Variants in ROBO2 observed in about 807,000 individuals in gnomAD.
The protein encoded by ROBO2 is roundabout guidance receptor 2.
A neutral mutation model predicts 160.8 loss-of-function variants in ROBO2; 53 were observed. The ratio of observed to expected loss-of-function variants is 0.33; its 90% CI spans 0.26 to 0.41. ROBO2 has a LOEUF of 0.41. Ranked by LOEUF, ROBO2 falls within the 10% of genes least tolerant of loss-of-function variation. ROBO2 has a pLI of 1.00. For missense variants in ROBO2, 1,577 were observed against 1,722.4 expected (o/e 0.92, Z 1.49); for synonymous variants, 664 against 611.7 (o/e 1.09, Z -1.26).
chr3:76,580,343 T>A (rs9309744), intron 2 of ROBO2, among the ~76,000 whole-genome samples: 3 of 7,314 alleles, frequency 4.1e-4, no homozygotes, highest in Non-Finnish European at 6.1e-4. Context: ...TTTTTTTGTG[T>A]TTTTTTTTTT....
At chr3:76,723,838 A>G (rs1240724794) in intron 2 of ROBO2, among the ~76,000 whole-genome samples, 1 of 152,196 alleles carries the variant, frequency 6.6e-6, no homozygotes, top group Non-Finnish European at 1.5e-5. Flanking sequence ...CCTGTATCCA[A>G]ATCATCTGGG....
At chr3:76,448,844 GT>G (rs2109240503) in intron 2 of ROBO2, among the ~76,000 whole-genome samples, 1 of 152,198 alleles carries the variant, frequency 6.6e-6, no homozygotes, top group East Asian at 1.9e-4. Context: ...AGTACCCACG[GT>G]TGTGCTAGTA....
chr3:76,359,001 C>T (rs1251331699), intron 2 of ROBO2, among the ~76,000 whole-genome samples: 4 of 148,492 alleles, frequency 2.7e-5, no homozygotes, highest in African/African-American at 1.0e-4. Context: ...CAATTCCCGC[C>T]TATGAGTGAG....
At chr3:77,512,962 T>G (rs1458782491) in intron 5 of ROBO2, among the ~76,000 whole-genome samples, 1 of 151,898 alleles carries the variant, frequency 6.6e-6, no homozygotes, top group Non-Finnish European at 1.5e-5. Context: ...GTTCTAGAAT[T>G]GGAGCCAGAA....
At chr3:77,309,709 C>A (rs995550894) in intron 2 of ROBO2, among the ~76,000 whole-genome samples, 2 of 152,226 alleles carry the variant, frequency 1.3e-5, no homozygotes, top group Admixed American at 6.5e-5. Context: ...AAACATCATC[C>A]TTCTCTTCTT....
chr3:76,299,901 TAAAAG>T (rs1475387875), intron 2 of ROBO2, among the ~76,000 whole-genome samples: 1 of 152,062 alleles, frequency 6.6e-6, no homozygotes, highest in East Asian at 1.9e-4. Context: ...TGTTATGAAA[TAAAAG>T]GGAAAGGTTG....
Position 76,424,176 on chromosome 3 carries a change from A to C in ROBO2, c.109+486574A>C, listed in dbSNP as rs147763252. ...ACCAATAGAAGTCGTGAAAATTTTC[A>C]TATTACCTTAACAATATGTAAAAAT... On this transcript the variant is annotated intron_variant, in intron 2 of 26. Coordinates refer to the ROBO2 transcript ENST00000487694. Among the ~76,000 whole-genome samples, 549 of 152,342 alleles carry C rather than the reference A, an allele frequency of 3.6e-3. 5 individuals are homozygous for C. Among genetic ancestry groups the C allele is most frequent in the African/African-American group, 0.013 (530 of 41,580 alleles).
At chr3:76,747,680 A>G (rs951559554) in intron 2 of ROBO2, among the ~76,000 whole-genome samples, 1 of 151,910 alleles carries the variant, frequency 6.6e-6, no homozygotes, top group African/African-American at 2.4e-5. Flanking sequence ...TGATATTATA[A>G]TTTTACTATT....
intron 2 of ROBO2, among the ~76,000 whole-genome samples, chr3:77,272,510 A>G (rs779934119): frequency 3.9e-5 from 6 of 152,178 alleles, no homozygotes; most frequent in African/African-American, 7.2e-5. Context: ...CCATGTTGCA[A>G]TCACCTCCCA....
At chr3:76,217,660 G>C (rs1703647543) in intron 2 of ROBO2, among the ~76,000 whole-genome samples, 1 of 152,152 alleles carries the variant, frequency 6.6e-6, no homozygotes, top group Non-Finnish European at 1.5e-5. Context: ...CTGAAATTGA[G>C]GCAATAATTA....
chr3:77,214,277 T>C (rs1013747459), intron 2 of ROBO2, among the ~76,000 whole-genome samples: 2 of 152,212 alleles, frequency 1.3e-5, no homozygotes, highest in African/African-American at 4.8e-5. Context: ...ATTGGGTGCA[T>C]ATATATTTAG....
intron 2 of ROBO2, among the ~76,000 whole-genome samples, chr3:76,350,834 AT>A (rs1232163292): frequency 1.3e-5 from 2 of 151,888 alleles, no homozygotes; most frequent in African/African-American, 4.8e-5. Flanking sequence ...TTTTATAGAC[AT>A]TTTTTCATGA....
intron 2 of ROBO2, among the ~76,000 whole-genome samples, chr3:76,342,896 A>T (rs1462505934): frequency 6.6e-6 from 1 of 152,136 alleles, no homozygotes; most frequent in Non-Finnish European, 1.5e-5. Flanking sequence ...CAGTTGTTTG[A>T]ATGGCCAATT....
rs184767835 is a variant in ROBO2 at position 76,213,539 on chromosome 3, T to C, written c.109+275937T>C. 2.2e-4 allele frequency among the ~76,000 whole-genome samples: 34 copies of C among 152,298 alleles called. No homozygotes were observed. The East Asian group carries it at 6.4e-3, about 29-fold the overall frequency. On this transcript the variant is annotated intron_variant, in intron 2 of 26. Coordinates refer to the ROBO2 transcript ENST00000487694. ...TTCAAAAAGGTAGTGTATTCTTTTT[T>C]CTAAGGAAATTAATCAGTGTTAATT...
chr3:76,513,938 T>C (rs1231198537), intron 2 of ROBO2, among the ~76,000 whole-genome samples: 1 of 152,190 alleles, frequency 6.6e-6, no homozygotes, highest in Admixed American at 6.5e-5. Context: ...ACCAAAAATG[T>C]TAACAATCAT....
At chr3:76,855,175 C>T (rs77645526) in intron 2 of ROBO2, among the ~76,000 whole-genome samples, 1 of 152,130 alleles carries the variant, frequency 6.6e-6, no homozygotes, top group African/African-American at 2.4e-5. Flanking sequence ...CATTTCTAAG[C>T]CTTCAAAACA....
chr3:75,920,631 T>TA (rs1366123731), intron 1 of ROBO2, among the ~76,000 whole-genome samples: 1 of 152,192 alleles, frequency 6.6e-6, no homozygotes, highest in African/African-American at 2.4e-5. Flanking sequence ...AGTGGGTTGT[T>TA]AAAGTTTCCC....
chr3:77,628,142 A>G (rs1277698934), intron 23 of ROBO2, among the ~76,000 whole-genome samples: 5 of 148,826 alleles, frequency 3.4e-5, no homozygotes, highest in Non-Finnish European at 7.5e-5. Flanking sequence ...GAAATTTGGA[A>G]AGATTGAAAA....
At chr3:76,562,969 C>T (rs984602813) in intron 2 of ROBO2, among the ~76,000 whole-genome samples, 1 of 151,820 alleles carries the variant, frequency 6.6e-6, no homozygotes, top group African/African-American at 2.4e-5. Context: ...CTTTCTTCTC[C>T]CTTCTTCATC....
Sources: allele counts gnomAD v4.1 joint callset (sites outside exome capture counted in the v4.1 genomes callset), GRCh38; gene constraint gnomAD v4.1.1; transcripts MANE v1.5; gene names NCBI Gene and HGNC (gene_info 2026-07-23, HGNC 2026-07-21).